The following SULF1 variants were observed in gnomAD, a reference collection of about 807,000 sequenced individuals.
SULF1 encodes the protein sulfatase 1.
In SULF1, 46 loss-of-function variants were observed where a neutral mutation model predicts 110.5. The ratio of observed to expected loss-of-function variants is 0.42; its 90% confidence interval spans 0.33 to 0.53. The LOEUF (loss-of-function observed/expected upper bound fraction) is 0.53. Among genes scored for constraint, SULF1 ranks in the 20% least tolerant of loss-of-function variants. The pLI is 0.12. For missense variants in SULF1, 941 were observed against 1,094.2 expected (o/e 0.86, Z 1.98); for synonymous variants, 371 against 387.1 (o/e 0.96, Z 0.49).
At chr8:69,564,920 C>T (rs1480929556) in intron 5 of SULF1, among the ~76,000 whole-genome samples, 3 of 152,196 alleles carry the variant, frequency 2.0e-5, no homozygotes, top group African/African-American at 7.2e-5. Flanking sequence ...TTTTCCTGAA[C>T]CCAAATTCCT....
chr8:69,616,237 T>G (rs556744968), intron 13 of SULF1, among the ~76,000 whole-genome samples: 88 of 149,264 alleles, frequency 5.9e-4, no homozygotes, highest in South Asian at 5.5e-3. Flanking sequence ...TATATTTTTT[T>G]GAGACGGAGT....
upstream of SULF1, among the ~76,000 whole-genome samples, chr8:69,491,230 T>C (rs1417048199): frequency 6.6e-6 from 1 of 152,210 alleles, no homozygotes; most frequent in Non-Finnish European, 1.5e-5. Context: ...AAGAACACTT[T>C]AATACAAAGC....
intron 13 of SULF1, among the ~76,000 whole-genome samples, chr8:69,616,092 T>G (rs1211719208): frequency 7.2e-6 from 1 of 138,342 alleles, no homozygotes; most frequent in Non-Finnish European, 1.6e-5. Context: ...AATGTGTATA[T>G]ATATACACAC....
rs11420223 is a variant in SULF1 at position 69,548,448 on chromosome 8, CTT to C, written c.-133-15075_-133-15074del. ...TAGCCTAGAGCACTTTGGATGTTAA[CTT>C]TTTTTTTTTTTTTTTGATGGAGTCT... On this transcript the variant is annotated intron_variant, in intron 3 of 22. Coordinates refer to ENST00000402687, the MANE Select transcript of SULF1 (RefSeq NM_001128205.2). Among the ~76,000 whole-genome samples the C allele has an allele frequency of 9.4e-3, 1,309 of 138,552 alleles. 20 individuals carry two copies. Among genetic ancestry groups the C allele is most frequent in the African/African-American group, 0.03 (1,132 of 38,092 alleles). 90.9% of individuals were successfully genotyped at this position (138,552 alleles called of 152,430 possible). A position where few individuals can be genotyped will look rare whatever the true frequency, so the allele number is the denominator to read the frequency against.
chr8:69,649,972 C>CTTTTTTTTTTTTTTTTTTTT (rs536073966), intron 22 of SULF1, among the ~76,000 whole-genome samples: 1 of 30,588 alleles, frequency 3.3e-5, no homozygotes, highest in African/African-American at 1.1e-4. Flanking sequence ...CTCCTGCTTG[C>CTTTTTTTTTTTTTTTTTTTT]TTTTTTTTTT....
chr8:69,580,816 T>A (rs1169525312), intron 6 of SULF1, among the ~76,000 whole-genome samples: 1 of 152,138 alleles, frequency 6.6e-6, no homozygotes, highest in Admixed American at 6.5e-5. Context: ...AGACCTTAGT[T>A]CTGAAAAAGA....
At chr8:69,535,575 C>T (rs1175841161) in intron 3 of SULF1, among the ~76,000 whole-genome samples, 1 of 152,144 alleles carries the variant, frequency 6.6e-6, no homozygotes. Flanking sequence ...CAAATAGGGC[C>T]TCTAGCGTTA....
At chr8:69,568,897 A>G (rs1279398550) in intron 5 of SULF1, among the ~76,000 whole-genome samples, 2 of 152,200 alleles carry the variant, frequency 1.3e-5, no homozygotes, top group Non-Finnish European at 2.9e-5. Context: ...GAATATAATC[A>G]TGTTAAGTTT....
At chr8:69,608,347 T>G (rs2130449145) in intron 13 of SULF1, among the ~76,000 whole-genome samples, 1 of 152,372 alleles carries the variant, frequency 6.6e-6, no homozygotes, top group African/African-American at 2.4e-5. Context: ...CCAAGCCATC[T>G]TACCTGCTGT....
intron 3 of SULF1, among the ~76,000 whole-genome samples, chr8:69,522,823 C>T (rs1583886): frequency 0.58 from 87,836 of 151,868 alleles, 25,716 homozygotes; most frequent in South Asian, 0.65. Flanking sequence ...TGGATTTATC[C>T]ATTGGAGGTC....
chr8:69,504,508 T>A (rs1042822380), intron 3 of SULF1, among the ~76,000 whole-genome samples: 2 of 152,104 alleles, frequency 1.3e-5, no homozygotes, highest in Admixed American at 6.6e-5. Flanking sequence ...TGAGCCAAGA[T>A]TGTGCCATTG....
chr8:69,628,543 T>C (rs949916066), intron 18 of SULF1, among the ~76,000 whole-genome samples: 13 of 152,222 alleles, frequency 8.5e-5, no homozygotes, highest in South Asian at 4.1e-4. Context: ...CTGTGGAGAG[T>C]GCTTGAGGGT....
chr8:69,602,631 T>C (rs886706759), intron 10 of SULF1, among the ~76,000 whole-genome samples: 1 of 152,148 alleles, frequency 6.6e-6, no homozygotes, highest in Non-Finnish European at 1.5e-5. Context: ...CTCCCCCGAG[T>C]ACCACATGTG....
At chr8:69,589,580 G>A (rs1449510472) in intron 8 of SULF1, among the ~76,000 whole-genome samples, 1 of 152,236 alleles carries the variant, frequency 6.6e-6, no homozygotes, top group Non-Finnish European at 1.5e-5. Flanking sequence ...CAGCTTTGCT[G>A]CAGACGTGCA....
intron 1 of SULF1, among the ~76,000 whole-genome samples, chr8:69,479,002 T>C (rs1809412030): frequency 6.6e-6 from 1 of 152,214 alleles, no homozygotes; most frequent in African/African-American, 2.4e-5. Flanking sequence ...CTTTTGACAA[T>C]GTGGAAGGCA....
intron 5 of SULF1, among the ~76,000 whole-genome samples, chr8:69,565,503 T>C (rs1334160006): frequency 6.6e-6 from 1 of 152,102 alleles, no homozygotes; most frequent in African/African-American, 2.4e-5. Context: ...ACCTCACACC[T>C]GAACTCACCT....
rs1370344652 is a variant in SULF1, at chr8:69,492,924, AGAGGCCAGGAGC to A, written c.-587_-576del. On this transcript the variant is annotated 5_prime_UTR_variant, in exon 1 of 23. Coordinates refer to ENST00000402687, the MANE Select transcript of SULF1 (RefSeq NM_001128205.2). The stretch of plus-strand genomic sequence containing the variant: ...TCGGCAACTAGGAAACCCCAGGCGC[AGAGGCCAGGAGC>A]GAGGGCAGCGAGGATCAGAGGCCAG... The A allele has an allele frequency of 6.5e-6, 1 of 152,678 alleles. No homozygotes were observed. The highest frequency in any genetic ancestry group is 1.5e-5 in the Non-Finnish European group (1 of 68,110). The allele number at this position is 152,678 out of a possible 1,614,324, so 9.5% of individuals were successfully genotyped here. A position where few individuals can be genotyped will look rare whatever the true frequency, so the allele number is the denominator to read the frequency against.
At chr8:69,621,328 C>T in intron 14 of SULF1, 77 bp downstream of exon 14, 2 of 1,039,858 alleles carry the variant, frequency 1.9e-6, no homozygotes, top group Non-Finnish European at 2.7e-6. Context: ...GAAAGGGTTG[C>T]TCCTTCTACA....
At chr8:69,629,317 A>T (rs764152893) in intron 18 of SULF1, among the ~76,000 whole-genome samples, 187 bp from the exon 19 acceptor site, 3 of 152,172 alleles carry the variant, frequency 2.0e-5, no homozygotes, top group Non-Finnish European at 4.4e-5. Flanking sequence ...TACAGGTGCA[A>T]GTCACTGTGC....
Sources: gnomAD v4.1 joint callset for allele counts (sites outside exome capture counted in the v4.1 genomes callset) on GRCh38, gnomAD v4.1.1 for gene constraint, MANE v1.5 for transcripts, NCBI Gene and HGNC (gene_info 2026-07-23, HGNC 2026-07-21) for gene names.